PSMA4: variants seen among roughly 807,000 people sequenced by gnomAD.
PSMA4 encodes proteasome subunit alpha type-4.
A neutral mutation model predicts 37.2 loss-of-function variants in PSMA4; 8 were observed. The observed-to-expected ratio is 0.22, with a 90% CI of 0.13 to 0.39. The LOEUF (loss-of-function observed/expected upper bound fraction) is 0.39. Among genes scored for constraint, PSMA4 ranks in the 10% least tolerant of loss-of-function variants. The pLI is 1.00. For missense variants in PSMA4, 169 were observed against 305.1 expected, an observed-to-expected ratio of 0.55 and a Z score of 3.32; for synonymous variants, 93 against 98.8, an observed-to-expected ratio of 0.94 and a Z score of 0.35.
chr15:78,547,706 C>T (rs2052577954), intron 8 of PSMA4, among the ~76,000 whole-genome samples: 1 of 151,564 alleles, frequency 6.6e-6, no homozygotes, highest in South Asian at 2.1e-4. Context: ...CATGGTGGTG[C>T]ATGCCTATAA....
rs2052474723 is a variant in PSMA4 at position 78,542,593 on chromosome 15, C to A, written c.157C>A (p.His53Asn). 6.2e-7 allele frequency: 1 copy of A among 1,613,182 alleles called. No individual in the cohort carries two copies. The highest frequency in any genetic ancestry group is 1.3e-5 in the African/African-American group (1 of 74,994). ...GCTTGCAGCAGAGAGACGCAACATCCACAAGCTTCTTGATGAAGTCTTTTT... is the reference window on the plus strand; with the variant it reads ...GCTTGCAGCAGAGAGACGCAACATCAACAAGCTTCTTGATGAAGTCTTTTT... ...VLLAAERRNIHKLLDEVFFSE... is the reference protein window; with the variant it reads ...VLLAAERRNINKLLDEVFFSE... Residue 53 changes from histidine (H) to asparagine (N), a missense_variant, in exon 4 of 9, where the codon CAC becomes AAC. By Grantham distance (68) the His-to-Asn change is moderately conservative. Transcript: ENST00000044462.
intron 6 of PSMA4, 101 bp downstream of exon 6, chr15:78,545,058 T>A: frequency 2.9e-6 from 2 of 687,432 alleles, no homozygotes; most frequent in Non-Finnish European, 4.7e-6. Context: ...CCCTTTGTTT[T>A]AAATTAAATT....
At position 78,544,913 on chromosome 15, in the gene PSMA4, T is replaced by C. The variant is rs2052524816; in HGVS notation, c.332T>C (p.Val111Ala). ...YQEPIPCEQL[V>A]TALCDIKQAY... ...GAGCCAATACCTTGTGAGCAGTTGG[T>C]TACAGCGCTGTGTGATATCAAACAA... The change falls in exon 6 of 9, where the codon GTT becomes GCT. Residue 111 changes from valine to alanine, a missense_variant. Around this residue, in one of 2 missense-constraint regions of PSMA4, gnomAD observed 79 missense variants for 212.4 expected, o/e 0.37. Coordinates refer to ENST00000044462, the MANE Select transcript of PSMA4 (RefSeq NM_002789.6). 1 of 1,612,310 alleles carries C rather than the reference T, an allele frequency of 6.2e-7. No homozygotes were observed. Among genetic ancestry groups the C allele is most frequent in the African/African-American group, 1.3e-5 (1 of 74,882 alleles).
Position 78,542,492 on chromosome 15 carries a change from A to G in PSMA4, c.56A>G (p.Tyr19Cys). 6.2e-7 allele frequency: 1 copy of G among 1,612,948 alleles called. No homozygotes were observed. Among genetic ancestry groups the G allele is most frequent in the Non-Finnish European group, 8.5e-7 (1 of 1,179,746 alleles). The change falls in exon 4 of 9, where the codon TAC becomes TGC. Residue 19 changes from tyrosine (Y) to cysteine (C), a missense_variant. By Grantham distance (194) the Tyr-to-Cys change is radical. Around this residue, in one of 2 missense-constraint regions of PSMA4, gnomAD observed 79 missense variants for 212.4 expected, o/e 0.37. Transcript: ENST00000044462. ...TTIFSPEGRL[Y>C]QVEYAMEAIG... ...TGCTTTTGTTTTGTAGGTCGCTTAT[A>G]CCAAGTTGAATATGCCATGGAAGCT... is the stretch of plus-strand genomic sequence containing the variant.
At chr15:78,546,768 C>CTTT (rs35886075) in intron 8 of PSMA4, 70 bp downstream of exon 8, 80 of 1,164,026 alleles carry the variant, frequency 6.9e-5, no homozygotes, top group Admixed American at 1.9e-4. Flanking sequence ...AGATTTTTTT[C>CTTT]TTTTTTTTTT....
At chr15:78,547,359 T>C (rs571677965) in intron 8 of PSMA4, among the ~76,000 whole-genome samples, 1 of 152,326 alleles carries the variant, frequency 6.6e-6, no homozygotes, top group Admixed American at 6.5e-5. Context: ...TGTGTGTATA[T>C]ATGATAAAGC....
intron 1 of PSMA4, chr15:78,540,970 C>T (rs890778575): frequency 6.6e-6 from 1 of 152,368 alleles, no homozygotes; most frequent in African/African-American, 2.4e-5. Flanking sequence ...TCTGTGTCCT[C>T]CCTGCTTCTC....
Position 78,551,176 on chromosome 15 carries a change from C to G in PSMA4, c.*2232C>G, listed in dbSNP as rs2052638071. On this transcript the variant is annotated 3_prime_UTR_variant, in exon 9 of 9. Coordinates refer to ENST00000044462, the MANE Select transcript of PSMA4 (RefSeq NM_002789.6). ...ATTCTCCAGCAGCAGCCACAGTGAT[C>G]CTTTCAAAATGTAAACGGTACTACT... is the stretch of plus-strand genomic sequence containing the variant. The G allele has an allele frequency of 6.6e-6, 1 of 152,224 alleles. No homozygotes were observed. The highest frequency in any genetic ancestry group is 1.5e-5 in the Non-Finnish European group (1 of 68,070). 9.4% of individuals were successfully genotyped at this position (152,224 alleles called of 1,614,324 possible). A position where few individuals can be genotyped will look rare whatever the true frequency, so the allele number is the denominator to read the frequency against.
chr15:78,548,020 A>G (rs1318524528), intron 8 of PSMA4, among the ~76,000 whole-genome samples: 8 of 152,074 alleles, frequency 5.3e-5, no homozygotes, highest in African/African-American at 1.9e-4. Context: ...ACCTGAGGTC[A>G]GGAGTTCAAG....
At chr15:78,546,779 T>A in intron 8 of PSMA4, 81 bp downstream of exon 8, 1 of 1,475,396 alleles carries the variant, frequency 6.8e-7, no homozygotes, top group Non-Finnish European at 9.1e-7. Flanking sequence ...TTTTTTTTTT[T>A]TTTTTGAGAT....
chr15:78,548,755 C>T (rs1477890611), intron 8 of PSMA4, 35 bp from the exon 9 acceptor site: 9 of 1,587,882 alleles, frequency 5.7e-6, no homozygotes, highest in South Asian at 1.2e-5. Flanking sequence ...GCCTGCCTGC[C>T]TGCAATACAA....
At chr15:78,543,775 C>T (rs1017043289) in intron 4 of PSMA4, 2 of 167,986 alleles carry the variant, frequency 1.2e-5, no homozygotes, top group Non-Finnish European at 2.5e-5. Flanking sequence ...TGCCGTATTG[C>T]CCAGGCTGTT....
chr15:78,544,841 T>C (rs1307464377), intron 5 of PSMA4, 28 bp from the exon 6 acceptor site: 17 of 1,464,906 alleles, frequency 1.2e-5, no homozygotes, highest in Non-Finnish European at 1.6e-5. Context: ...TAGAGAAAAC[T>C]ACTAATGTGC....
Position 78,541,901 on chromosome 15 carries a change from A to G in PSMA4, c.-23-4A>G, listed in dbSNP as rs774720955. 13 of 1,577,512 alleles carry G rather than the reference A, an allele frequency of 8.2e-6. No individual in the cohort carries two copies. The Admixed American group carries it at 2.2e-4, about 27-fold the overall frequency. On this transcript the variant is annotated splice_region_variant and splice_polypyrimidine_tract_variant and intron_variant, in intron 1 of 8. Transcript: ENST00000044462. ...TTAATGATGATCTGATTTTCTTTTT[A>G]CAGGAACTATATAAAGTTCAGAAAA...
At position 78,545,916 on chromosome 15, in the gene PSMA4, T is replaced by G. The variant is rs1052008405; in HGVS notation, c.507+152T>G. 3 of 854,340 alleles carry G rather than the reference T, an allele frequency of 3.5e-6. No individual in the cohort carries two copies. In the African/African-American group the frequency reaches 5.1e-5, roughly 15 times the overall value. The allele number at this position is 854,340 out of a possible 1,614,324, so 52.9% of individuals were successfully genotyped here. On this transcript the variant is annotated intron_variant, in intron 7 of 8. Coordinates refer to ENST00000044462, the MANE Select transcript of PSMA4 (RefSeq NM_002789.6). Reference sequence around the variant, plus strand: ...CTGTGATTTCTGTTGGTGACAGCATTGCTGATATAGCTAATATACTGGGGT... The same window carrying G: ...CTGTGATTTCTGTTGGTGACAGCATGGCTGATATAGCTAATATACTGGGGT...
At chr15:78,548,657 T>C in intron 8 of PSMA4, 133 bp from the exon 9 acceptor site, 1 of 1,157,324 alleles carries the variant, frequency 8.6e-7, no homozygotes, top group East Asian at 2.6e-5. Flanking sequence ...TAATGTTAAG[T>C]ATAAAACATA....
rs2052617931 is a variant in PSMA4 at position 78,549,760 on chromosome 15, TA to T, written c.*818del. 4 of 152,250 alleles carry T rather than the reference TA, an allele frequency of 2.6e-5. No homozygotes were observed. In the South Asian group the frequency reaches 8.3e-4, roughly 31 times the overall value. 9.4% of individuals were successfully genotyped at this position (152,250 alleles called of 1,614,324 possible). On this transcript the variant is annotated 3_prime_UTR_variant, in exon 9 of 9. Coordinates refer to ENST00000044462, the MANE Select transcript of PSMA4 (RefSeq NM_002789.6). ...TTCTTAGGAATGCTAAGTAAAACTT[TA>T]AGAAGTTTTTGTTGCATATTAGAAT...
chr15:78,541,946 T>TG lies in PSMA4; in HGVS notation c.3+17dup. 1 of 1,595,082 alleles carries TG rather than the reference T, an allele frequency of 6.3e-7. No homozygotes were observed. The highest frequency in any genetic ancestry group is 1.1e-5 in the South Asian group (1 of 89,014). On this transcript the variant is annotated intron_variant, in intron 2 of 8. Coordinates refer to ENST00000044462, the MANE Select transcript of PSMA4 (RefSeq NM_002789.6). Reference sequence around the variant, plus strand: ...AGAAAACATGGTGAGTTAATACACATGCCAATAAACGGTTGCCTGATAAAC... The same window carrying TG: ...AGAAAACATGGTGAGTTAATACACATGGCCAATAAACGGTTGCCTGATAAAC...
chr15:78,542,043 C>A (rs2052462915), intron 2 of PSMA4, 113 bp downstream of exon 2: 1 of 1,469,912 alleles, frequency 6.8e-7, no homozygotes, highest in African/African-American at 1.4e-5. Context: ...GAGAAGGTGC[C>A]TTTTTTCTTG....
Sources: gnomAD v4.1 joint callset for allele counts (sites outside exome capture counted in the v4.1 genomes callset) on GRCh38, gnomAD v4.1.1 for gene constraint, gnomAD v4.1.1 regional missense constraint, MANE v1.5 for transcripts, NCBI Gene and HGNC (gene_info 2026-07-23, HGNC 2026-07-21) for gene names.